DNAH17: variants seen among roughly 807,000 people sequenced by gnomAD.
DNAH17 encodes the protein axonemal beta dynein heavy chain 17.
Under a neutral mutation model 485.6 loss-of-function variants are expected in DNAH17, and 376 were observed. The ratio of observed to expected loss-of-function variants is 0.77; its 90% CI spans 0.71 to 0.84. DNAH17 has a LOEUF of 0.84. Ranked by LOEUF, DNAH17 falls within the 40% of genes least tolerant of loss-of-function variation. DNAH17 has a pLI of 0.00. For missense variants in DNAH17, 6,370 were observed against 5,839.3 expected (o/e 1.09, Z -2.96); for synonymous variants, 3,031 against 2,405.9 (o/e 1.26, Z -7.60).
chr17:78,510,720 G>C, intron 26 of DNAH17: 1 of 579,710 alleles, frequency 1.7e-6, no homozygotes, highest in Non-Finnish European at 3.0e-6. Context: ...CCGCATAAGA[G>C]CAGAACGCAC....
At chr17:78,424,855 T>G (rs1598427504) in intron 80 of DNAH17, 1 of 158,464 alleles carries the variant, frequency 6.3e-6, no homozygotes, top group Non-Finnish European at 1.4e-5. Context: ...AGGACAGGGG[T>G]GATGTGGGGG....
At chr17:78,547,357 A>AT in intron 16 of DNAH17, among the ~76,000 whole-genome samples, 1 of 152,270 alleles carries the variant, frequency 6.6e-6, no homozygotes, top group South Asian at 2.1e-4. Flanking sequence ...AAGACTGGCC[A>AT]TTTTTATCAT....
intron 27 of DNAH17, among the ~76,000 whole-genome samples, 187 bp downstream of exon 27, chr17:78,510,191 AAAAAAT>A (rs1392145114): frequency 6.6e-6 from 1 of 151,996 alleles, no homozygotes; most frequent in Non-Finnish European, 1.5e-5. Flanking sequence ...CAAAAACAAT[AAAAAAT>A]AATAAACAAA....
chr17:78,496,460 TGGTGGGCGGGGGGAG>T (rs1235298325), intron 37 of DNAH17, among the ~76,000 whole-genome samples: 2 of 27,930 alleles, frequency 7.2e-5, no homozygotes, highest in East Asian at 1.8e-3. Flanking sequence ...ACAGCGGGGG[TGGTGGGCGGGGGGAG>T]GGTGGGCGCG....
chr17:78,543,961 T>A lies in DNAH17; in HGVS notation c.2428A>T (p.Asn810Tyr), dbSNP rs753440799. Reference protein sequence around the residue: ...SANPLFERKDNKKEALLDLDG... With the variant: ...SANPLFERKDYKKEALLDLDG... ...AAGTCTAACAGGGCCTCTTTCTTATTGTCCTTTCTTTCAAACAGCGGGTTG... is the reference window on the plus strand; with the variant it reads ...AAGTCTAACAGGGCCTCTTTCTTATAGTCCTTTCTTTCAAACAGCGGGTTG... The change falls in exon 17 of 81, where the codon AAT (asparagine) becomes TAT (tyrosine). Residue 810 changes from asparagine (N) to tyrosine (Y), a missense_variant. Asn to Tyr is a moderately radical substitution (Grantham distance 143). Coordinates refer to ENST00000389840, the MANE Select transcript of DNAH17 (RefSeq NM_173628.4). 6.2e-7 allele frequency: 1 copy of A among 1,613,940 alleles called. No individual in the cohort carries two copies. The highest frequency in any genetic ancestry group is 1.3e-5 in the African/African-American group (1 of 74,954).
intron 42 of DNAH17, 77 bp downstream of exon 42, chr17:78,492,556 T>A: frequency 6.4e-7 from 1 of 1,571,064 alleles, no homozygotes; most frequent in Non-Finnish European, 8.7e-7. Flanking sequence ...GCCTTCCACG[T>A]GGGAACGGCT....
chr17:78,564,121 T>C (rs1265675861), intron 11 of DNAH17, among the ~76,000 whole-genome samples: 1 of 152,150 alleles, frequency 6.6e-6, no homozygotes, highest in Non-Finnish European at 1.5e-5. Context: ...CAGGACCTCC[T>C]GCTCCTCACA....
At chr17:78,533,041 G>A (rs1333595458) in intron 19 of DNAH17, 8 of 263,442 alleles carry the variant, frequency 3.0e-5, no homozygotes, top group Non-Finnish European at 5.1e-5. Context: ...ACAGGCACGT[G>A]CCACTGTGCC....
At chr17:78,512,939 T>G (rs1230406729) in intron 26 of DNAH17, among the ~76,000 whole-genome samples, 3 of 41,838 alleles carry the variant, frequency 7.2e-5, no homozygotes, top group African/African-American at 3.3e-4. Context: ...AGACTCTAAC[T>G]CAAAAAAAAA....
At position 78,510,517 on chromosome 17, in the gene DNAH17, A is replaced by G; in HGVS notation, c.4114-11T>C. The G allele has an allele frequency of 6.2e-7, 1 of 1,613,620 alleles. No individual in the cohort carries two copies. The highest frequency in any genetic ancestry group is 8.5e-7 in the Non-Finnish European group (1 of 1,179,606). The stretch of plus-strand genomic sequence containing the variant: ...CATTTTAAATTTCACCTAAGGGAAA[A>G]AAATCCAGGCAGGATTCATTTCAGG... On this transcript the variant is annotated splice_polypyrimidine_tract_variant and intron_variant, in intron 26 of 80. Transcript: ENST00000389840.
rs1346784302 is a variant in DNAH17, at chr17:78,449,559, G to C, written c.11066C>G (p.Ala3689Gly). 1.9e-6 allele frequency: 3 copies of C among 1,606,458 alleles called. No homozygotes were observed. The highest frequency in any genetic ancestry group is 2.5e-6 in the Non-Finnish European group (3 of 1,176,606). The change falls in exon 69 of 81, where the codon GCC becomes GGC. Residue 3689 changes from alanine (A) to glycine (G), a missense_variant. Coordinates refer to ENST00000389840, the MANE Select transcript of DNAH17 (RefSeq NM_173628.4). ...GTTGGCAGGGGTGGTCCTCTGGATG[G>C]CTTTCTCAAACACCACGTTGAAGGC... ...LKAFNVVFEKAIQRTTPANEV... is the reference protein window; with the variant it reads ...LKAFNVVFEKGIQRTTPANEV...
chr17:78,428,734 G>A, intron 76 of DNAH17, 27 bp from the exon 77 acceptor site: 1 of 1,612,036 alleles, frequency 6.2e-7, no homozygotes, highest in Non-Finnish European at 8.5e-7. Flanking sequence ...TTTGTAAGCA[G>A]AGGCAAAGCT....
chr17:78,503,176 T>A, intron 31 of DNAH17, 165 bp from the exon 32 acceptor site: 1 of 275,698 alleles, frequency 3.6e-6, no homozygotes, highest in South Asian at 8.6e-5. Flanking sequence ...CACCTTTTTT[T>A]TTTTTTTTTT....
In DNAH17 at chr17:78,495,892, G is replaced by A; in HGVS notation, c.5886C>T (p.Asn1962=). The stretch of plus-strand genomic sequence containing the variant: ...CCACGTACCTGAATAAGGCTTTTAG[G>A]TTCTCAGGCAGCTCCGCGCGTCCGG... ...GYAGRAELPE[N]LKALFRPCAM... The change falls in exon 38 of 81, where the codon AAC becomes AAT. Residue 1962 remains asparagine (N), a synonymous_variant. Transcript: ENST00000389840. 1 of 1,613,658 alleles carries A rather than the reference G, an allele frequency of 6.2e-7. No homozygotes were observed. Among genetic ancestry groups the A allele is most frequent in the South Asian group, 1.1e-5 (1 of 91,048 alleles).
intron 48 of DNAH17, among the ~76,000 whole-genome samples, chr17:78,484,485 G>A (rs75725810): frequency 0.022 from 3,397 of 152,208 alleles, 44 homozygotes; most frequent in Non-Finnish European, 0.037. Flanking sequence ...CTGCACTGGG[G>A]GTTTTCCTCA....
chr17:78,460,316 GTGTACGTGCA>G (rs2088039045), intron 58 of DNAH17, 59 bp from the exon 59 acceptor site: 2 of 1,156,872 alleles, frequency 1.7e-6, no homozygotes, highest in African/African-American at 2.2e-5. Flanking sequence ...CTGTGGGGGC[GTGTACGTGCA>G]TGTGTGTGCA....
At chr17:78,468,586 CTT>C (rs1368391363) in intron 55 of DNAH17, 29 bp downstream of exon 55, 1 of 1,600,476 alleles carries the variant, frequency 6.2e-7, no homozygotes, top group Non-Finnish European at 8.5e-7. Flanking sequence ...AAGCTGGGCT[CTT>C]GAGGCCCTGC....
chr17:78,428,203 G>C (rs1034675406), intron 77 of DNAH17: 1 of 416,284 alleles, frequency 2.4e-6, no homozygotes, highest in African/African-American at 2.0e-5. Context: ...GGAATGGTCG[G>C]TGCCCTTCCT....
chr17:78,483,122 C>T (rs531024099), intron 48 of DNAH17, among the ~76,000 whole-genome samples: 1 of 147,660 alleles, frequency 6.8e-6, no homozygotes, highest in African/African-American at 2.6e-5. Flanking sequence ...TCCCACCCCA[C>T]ACCACGTTAG....
Sources: gnomAD v4.1 joint callset for allele counts (sites outside exome capture counted in the v4.1 genomes callset) on GRCh38, gnomAD v4.1.1 for gene constraint, MANE v1.5 for transcripts, NCBI Gene and HGNC (gene_info 2026-07-23, HGNC 2026-07-21) for gene names.